The following UNC79 variants were observed in gnomAD, a reference collection of about 807,000 sequenced individuals.
UNC79 encodes the protein unc-79 subunit of NALCN channel complex, also known as protein unc-79 homolog.
Under a neutral mutation model 283.1 loss-of-function variants are expected in UNC79, and 37 were observed. The ratio of observed to expected loss-of-function variants is 0.13; its 90% confidence interval spans 0.10 to 0.17. UNC79 has a LOEUF of 0.17. UNC79 is among the 10% of genes least tolerant of loss of function. The probability of loss-of-function intolerance (pLI) is 1.00; values close to 1 mark genes in which losing one functional copy is unlikely to be tolerated. For missense variants in UNC79, 2,272 were observed against 3,211.1 expected (o/e 0.71, Z 7.07); for synonymous variants, 1,107 against 1,200.2 (o/e 0.92, Z 1.61).
chr14:93,680,846 G>A (rs1348073489), intron 41 of UNC79, among the ~76,000 whole-genome samples: 2 of 152,158 alleles, frequency 1.3e-5, no homozygotes, highest in Admixed American at 6.5e-5. Context: ...GAATTTTATG[G>A]GAAAACATGC....
intron 7 of UNC79, among the ~76,000 whole-genome samples, chr14:93,497,553 T>C (rs576568536): frequency 8.5e-5 from 13 of 152,348 alleles, no homozygotes; most frequent in African/African-American, 3.1e-4. Flanking sequence ...TGGCTACCAT[T>C]AATCACTCCA....
chr14:93,515,284 GT>G, intron 7 of UNC79, among the ~76,000 whole-genome samples: 1 of 151,938 alleles, frequency 6.6e-6, no homozygotes, highest in Non-Finnish European at 1.5e-5. Context: ...GTGTGTGTGT[GT>G]GTGTGTATTT....
intron 7 of UNC79, among the ~76,000 whole-genome samples, chr14:93,519,340 A>G (rs761339851): frequency 2.0e-5 from 3 of 151,884 alleles, no homozygotes; most frequent in Non-Finnish European, 3.0e-5. Context: ...TATAACAATT[A>G]TGCCATAATT....
At chr14:93,566,167 C>G (rs191091819) in intron 14 of UNC79, among the ~76,000 whole-genome samples, 4,192 of 152,162 alleles carry the variant, frequency 0.028, 208 homozygotes, top group African/African-American at 0.096. Flanking sequence ...AAGCCTCCCG[C>G]TTGGGAGAGA....
chr14:93,616,769 G>A (rs1052406138), intron 27 of UNC79, among the ~76,000 whole-genome samples: 5 of 152,056 alleles, frequency 3.3e-5, no homozygotes, highest in African/African-American at 1.2e-4. Context: ...AAGTATTGCC[G>A]GTCGTCTAGG....
rs61152843 is a variant in UNC79 at position 93,441,414 on chromosome 14, G to A, written c.22+10363G>A. Among the ~76,000 whole-genome samples the A allele has an allele frequency of 4.1e-3, 621 of 152,032 alleles. 3 individuals are homozygous for A. The highest frequency in any genetic ancestry group is 0.014 in the African/African-American group (596 of 41,514). On this transcript the variant is annotated intron_variant, in intron 1 of 48. Coordinates refer to ENST00000555664, the Ensembl canonical transcript of UNC79. The stretch of plus-strand genomic sequence containing the variant: ...CCTTTTCTTTTAATAGGTGAGTTAA[G>A]CCCTTTTACATCTATTGATATGATT...
At chr14:93,558,555 A>T (rs1180651604) in intron 14 of UNC79, among the ~76,000 whole-genome samples, 7 of 112,432 alleles carry the variant, frequency 6.2e-5, no homozygotes, top group East Asian at 2.2e-4. Context: ...GACTCCATTT[A>T]AAAAAAAAAA....
upstream of UNC79, among the ~76,000 whole-genome samples, chr14:93,425,935 G>A (rs2055716657): frequency 6.6e-6 from 1 of 152,068 alleles, no homozygotes; most frequent in Non-Finnish European, 1.5e-5. Context: ...GAGAAAATCT[G>A]CATTTTCATC....
At chr14:93,575,539 T>A (rs528171358) in intron 17 of UNC79, among the ~76,000 whole-genome samples, 159 of 152,134 alleles carry the variant, frequency 1.0e-3, no homozygotes, top group Non-Finnish European at 1.6e-3. Context: ...ACTTTGGGGG[T>A]GAGGAGTCTG....
intron 42 of UNC79, among the ~76,000 whole-genome samples, chr14:93,684,289 A>C (rs1444636629): frequency 6.6e-6 from 1 of 152,206 alleles, no homozygotes; most frequent in Admixed American, 6.5e-5. Context: ...AGTGGTAGTA[A>C]AACCAACCTT....
intron 47 of UNC79, 131 bp from the exon 51 acceptor site, chr14:93,704,494 C>T (rs1468979885): frequency 1.6e-5 from 17 of 1,045,618 alleles, no homozygotes; most frequent in Non-Finnish European, 2.3e-5. Context: ...AACGGGTAGC[C>T]CTGCAGCAGG....
At chr14:93,482,310 C>T (rs574712340) in intron 4 of UNC79, among the ~76,000 whole-genome samples, 2 of 152,296 alleles carry the variant, frequency 1.3e-5, no homozygotes, top group African/African-American at 4.8e-5. Context: ...TTCACAGAAT[C>T]TGACAGACCA....
Position 93,686,662 on chromosome 14 carries a change from G to A in UNC79, c.6909+1G>A, listed in dbSNP as rs747837666. On this transcript the variant is annotated splice_donor_variant, in intron 43 of 48. Transcript: ENST00000555664. LOFTEE classifies it high-confidence loss of function. ...CATGCACACGCTGACCAAACTGAAG[G>A]TGAGATGACCGCCACCTGCTCATCC... 6.2e-7 allele frequency: 1 copy of A among 1,614,090 alleles called. No homozygotes were observed. Among genetic ancestry groups the A allele is most frequent in the Admixed American group, 1.7e-5 (1 of 60,018 alleles).
chr14:93,578,197 C>A, intron 18 of UNC79, 134 bp downstream of exon 18: 1 of 821,016 alleles, frequency 1.2e-6, no homozygotes, highest in Admixed American at 2.9e-5. Context: ...CTTTTGCAAA[C>A]TCCTTTGGAG....
chr14:93,507,714 C>T (rs2059616090), intron 7 of UNC79, among the ~76,000 whole-genome samples: 1 of 152,050 alleles, frequency 6.6e-6, no homozygotes, highest in African/African-American at 2.4e-5. Context: ...AGTTTTTAAT[C>T]TGGTAAACTG....
At chr14:93,676,838 G>T (rs1336636252) in intron 41 of UNC79, among the ~76,000 whole-genome samples, 1 of 152,154 alleles carries the variant, frequency 6.6e-6, no homozygotes, top group Non-Finnish European at 1.5e-5. Flanking sequence ...AAGAAAGACA[G>T]CAAAAAGATA....
At chr14:93,361,211 C>CAAAAAAAAAAA (rs58267219) in intron 1 of UNC79, among the ~76,000 whole-genome samples, 9 of 54,374 alleles carry the variant, frequency 1.7e-4, no homozygotes, top group Non-Finnish European at 2.5e-4. Context: ...GACTCTGTCT[C>CAAAAAAAAAAA]AAAAAAAAAA....
At chr14:93,494,668 C>G (rs889194748) in intron 5 of UNC79, among the ~76,000 whole-genome samples, 19 of 152,014 alleles carry the variant, frequency 1.2e-4, no homozygotes, top group African/African-American at 3.9e-4. Context: ...TAGGGGAGAG[C>G]AGAGAATGAA....
At chr14:93,673,269 T>A in intron 40 of UNC79, 82 bp from the exon 44 acceptor site, 1 of 1,249,788 alleles carries the variant, frequency 8.0e-7, no homozygotes, top group Non-Finnish European at 1.1e-6. Flanking sequence ...GACCCGTGAA[T>A]TTTTTGGAAG....
Sources: allele counts gnomAD v4.1 joint callset (sites outside exome capture counted in the v4.1 genomes callset), GRCh38; gene constraint gnomAD v4.1.1; transcripts MANE v1.5; gene names NCBI Gene and HGNC (gene_info 2026-07-23, HGNC 2026-07-21).